Variants in EMCN observed in about 807,000 individuals in gnomAD.
The protein encoded by EMCN is MUC-14.
A neutral mutation model predicts 38.4 loss-of-function variants in EMCN; 37 were observed. That is an observed-to-expected ratio of 0.96 (90% CI 0.74 to 1.27). The LOEUF is 1.27. Ranked by LOEUF, EMCN falls within the 50% of genes most tolerant of loss-of-function variation. EMCN has a pLI of 0.00. For synonymous variants in EMCN, 95 were observed against 100.8 expected (o/e 0.94, Z 0.35); for missense variants, 318 against 302.8 (o/e 1.05, Z -0.37).
chr4:100,411,087 C>A (rs1020654406), intron 10 of EMCN, among the ~76,000 whole-genome samples: 1 of 152,166 alleles, frequency 6.6e-6, no homozygotes, highest in African/African-American at 2.4e-5. Flanking sequence ...TTTGCTCCAG[C>A]TTTTATCTGC....
At chr4:100,513,395 T>A (rs1243136167) in intron 1 of EMCN, among the ~76,000 whole-genome samples, 2 of 152,184 alleles carry the variant, frequency 1.3e-5, no homozygotes, top group Admixed American at 1.3e-4. Flanking sequence ...TAATGACGCA[T>A]AAAGATGTAT....
At chr4:100,439,504 A>AT (rs1451598016) in intron 5 of EMCN, among the ~76,000 whole-genome samples, 1 of 150,910 alleles carries the variant, frequency 6.6e-6, no homozygotes, top group African/African-American at 2.4e-5. Flanking sequence ...TTAATTTATG[A>AT]TTTTATTTAT....
intron 11 of EMCN, among the ~76,000 whole-genome samples, chr4:100,399,759 A>T (rs1294040173): frequency 6.6e-6 from 1 of 151,884 alleles, no homozygotes; most frequent in African/African-American, 2.4e-5. Context: ...TTATTTTTTT[A>T]TTTTTATCTT....
chr4:100,400,476 C>T (rs1193232963), intron 11 of EMCN, among the ~76,000 whole-genome samples: 1 of 151,906 alleles, frequency 6.6e-6, no homozygotes, highest in African/African-American at 2.4e-5. Context: ...ACTATGTTAT[C>T]ATTTACCATA....
chr4:100,482,436 G>GACT (rs1252943131), intron 1 of EMCN, among the ~76,000 whole-genome samples: 1 of 152,048 alleles, frequency 6.6e-6, no homozygotes, highest in African/African-American at 2.4e-5. Flanking sequence ...GATAAAATAA[G>GACT]ACTACTCTGC....
intron 11 of EMCN, among the ~76,000 whole-genome samples, chr4:100,404,497 C>A (rs1162895947): frequency 1.3e-5 from 2 of 151,778 alleles, no homozygotes; most frequent in African/African-American, 4.8e-5. Flanking sequence ...GTTACTGTAG[C>A]CTTGTAGTAT....
At chr4:100,447,477 T>A in intron 5 of EMCN, 56 bp downstream of exon 5, 1 of 1,266,976 alleles carries the variant, frequency 7.9e-7, no homozygotes, top group Non-Finnish European at 1.1e-6. Context: ...TTTGTTTTAT[T>A]CTTGAGATTT....
At chr4:100,461,556 A>G (rs1728179842) in intron 4 of EMCN, among the ~76,000 whole-genome samples, 1 of 152,150 alleles carries the variant, frequency 6.6e-6, no homozygotes, top group African/African-American at 2.4e-5. Context: ...ATAAAGTCAG[A>G]GCACTAGATT....
intron 5 of EMCN, among the ~76,000 whole-genome samples, chr4:100,428,972 C>CT (rs1455096019): frequency 6.6e-6 from 1 of 152,010 alleles, no homozygotes; most frequent in Admixed American, 6.6e-5. Flanking sequence ...ATAGCAGAGA[C>CT]TATGTTATTG....
intron 4 of EMCN, among the ~76,000 whole-genome samples, chr4:100,459,212 TCTCTCTCTC>T (rs1728105410): frequency 2.9e-5 from 1 of 33,958 alleles, no homozygotes; most frequent in African/African-American, 1.3e-4. Context: ...TCTCTCTCTC[TCTCTCTCTC>T]TCTCTCTCAT....
At position 100,505,964 on chromosome 4, in the gene EMCN, G is replaced by A. The variant is rs1729469886; in HGVS notation, c.64+11887C>T. On this transcript the variant is annotated intron_variant, in intron 1 of 11. Transcript: ENST00000296420. ...CCATTTCTTAAAGGTGAGCAAAAAA[G>A]CCATAGGTTTCCAATAGTTTCATCA... Among the ~76,000 whole-genome samples the A allele has an allele frequency of 1.3e-5, 2 of 152,174 alleles. 1 individual carries two copies. The highest frequency in any genetic ancestry group is 4.2e-4 in the South Asian group (2 of 4,816).
rs956492410 is a variant in EMCN at position 100,395,628 on chromosome 4, C to T, written c.*2785G>A. 11 of 152,174 alleles carry T rather than the reference C, an allele frequency of 7.2e-5. No homozygotes were observed. The highest frequency in any genetic ancestry group is 6.5e-4 in the Admixed American group (10 of 15,272). The allele number at this position is 152,174 out of a possible 1,614,324, so 9.4% of individuals were successfully genotyped here. A position where few individuals can be genotyped will look rare whatever the true frequency, so the allele number is the denominator to read the frequency against. On this transcript the variant is annotated 3_prime_UTR_variant, in exon 12 of 12. Transcript: ENST00000296420. ...AAATCTTGAATGACCACAAGTAGAG[C>T]TCAACAGAGAATAATCAGGCAAAAA...
At chr4:100,513,844 C>T (rs749411450) in intron 1 of EMCN, among the ~76,000 whole-genome samples, 4 of 152,112 alleles carry the variant, frequency 2.6e-5, no homozygotes, top group Non-Finnish European at 4.4e-5. Context: ...TTCATTCAGA[C>T]AACTATGTCC....
chr4:100,491,221 A>G (rs1205682772), intron 1 of EMCN, among the ~76,000 whole-genome samples: 1 of 152,172 alleles, frequency 6.6e-6, no homozygotes, highest in Non-Finnish European at 1.5e-5. Context: ...ATATAAAACA[A>G]ACTTTGCCTA....
intron 1 of EMCN, among the ~76,000 whole-genome samples, chr4:100,504,595 A>G (rs976858017): frequency 3.3e-5 from 5 of 152,128 alleles, no homozygotes; most frequent in Admixed American, 1.3e-4. Flanking sequence ...CTGAAGGGAG[A>G]TAGTGAGAAG....
At chr4:100,436,339 A>T (rs925828242) in intron 5 of EMCN, among the ~76,000 whole-genome samples, 1 of 152,178 alleles carries the variant, frequency 6.6e-6, no homozygotes, top group African/African-American at 2.4e-5. Context: ...CAGAATCACG[A>T]TTGTTAAAAA....
At chr4:100,419,265 G>C (rs1726823220) in intron 8 of EMCN, among the ~76,000 whole-genome samples, 1 of 152,008 alleles carries the variant, frequency 6.6e-6, no homozygotes, top group African/African-American at 2.4e-5. Flanking sequence ...AGAGCAGAAT[G>C]GGTTTACTAA....
At chr4:100,405,865 G>T (rs1452351743) in intron 11 of EMCN, among the ~76,000 whole-genome samples, 8 of 151,676 alleles carry the variant, frequency 5.3e-5, no homozygotes, top group Admixed American at 5.3e-4. Context: ...GCTTTTTCTG[G>T]TTGGTAGGGT....
At chr4:100,507,541 C>A (rs1468091868) in intron 1 of EMCN, among the ~76,000 whole-genome samples, 2 of 152,090 alleles carry the variant, frequency 1.3e-5, no homozygotes, top group Admixed American at 1.3e-4. Context: ...TTGGCAAGAG[C>A]TTTAATGGCA....
Sources: allele counts gnomAD v4.1 joint callset (sites outside exome capture counted in the v4.1 genomes callset), GRCh38; gene constraint gnomAD v4.1.1; transcripts MANE v1.5; gene names NCBI Gene and HGNC (gene_info 2026-07-23, HGNC 2026-07-21).